The following SMAD1 variants were observed in gnomAD, a reference collection of about 807,000 sequenced individuals.
SMAD1 encodes MAD, mothers against decapentaplegic homolog 1.
A neutral mutation model predicts 41.6 loss-of-function variants in SMAD1; 6 were observed. The observed-to-expected ratio is 0.14, with a 90% CI of 0.08 to 0.28. SMAD1 has a LOEUF of 0.28. SMAD1 is among the 10% of genes least tolerant of loss of function. The probability of loss-of-function intolerance (pLI) is 1.00; values close to 1 mark genes in which losing one functional copy is unlikely to be tolerated. For missense variants in SMAD1, 379 were observed against 582.6 expected (o/e 0.65, Z 3.60); for synonymous variants, 206 against 203.2 (o/e 1.01, Z -0.12).
intron 2 of SMAD1, among the ~76,000 whole-genome samples, chr4:145,519,644 T>G (rs59193620): frequency 1.5e-5 from 2 of 130,678 alleles, no homozygotes; most frequent in African/African-American, 5.1e-5. Context: ...AGAGAGAGAC[T>G]CTGTATCAAA....
At chr4:145,496,383 T>G (rs1729075509) in intron 1 of SMAD1, among the ~76,000 whole-genome samples, 1 of 152,154 alleles carries the variant, frequency 6.6e-6, no homozygotes, top group Admixed American at 6.5e-5. Context: ...TCTATAGGAC[T>G]CGTGTAAGGA....
intron 4 of SMAD1, chr4:145,544,130 C>G (rs1347478117): frequency 2.0e-5 from 3 of 150,868 alleles, no homozygotes; most frequent in Non-Finnish European, 4.4e-5. Context: ...GGATGAATGT[C>G]GGTTCATCAG....
At chr4:145,517,614 CTG>C (rs1244262319) in intron 2 of SMAD1, among the ~76,000 whole-genome samples, 2 of 152,100 alleles carry the variant, frequency 1.3e-5, no homozygotes, top group Non-Finnish European at 2.9e-5. Flanking sequence ...TAAATTTTTG[CTG>C]TTAAATGGTG....
intron 1 of SMAD1, among the ~76,000 whole-genome samples, chr4:145,510,379 T>C (rs757895214): frequency 6.6e-6 from 1 of 152,138 alleles, no homozygotes; most frequent in Non-Finnish European, 1.5e-5. Flanking sequence ...CCTTTTCTAA[T>C]ATATGCATTT....
chr4:145,552,344 A>C (rs574460833), intron 5 of SMAD1, among the ~76,000 whole-genome samples: 1 of 152,374 alleles, frequency 6.6e-6, no homozygotes, highest in South Asian at 2.1e-4. Context: ...TGTGAGACAC[A>C]ATATAGCCTT....
intron 1 of SMAD1, among the ~76,000 whole-genome samples, chr4:145,488,797 A>G (rs573304338): frequency 3.3e-5 from 5 of 152,188 alleles, no homozygotes; most frequent in African/African-American, 4.8e-5. Flanking sequence ...CTGAATATTT[A>G]TTAGTTCTGA....
At chr4:145,509,197 C>A (rs548994347) in intron 1 of SMAD1, among the ~76,000 whole-genome samples, 1 of 152,234 alleles carries the variant, frequency 6.6e-6, no homozygotes, top group South Asian at 2.1e-4. Flanking sequence ...TCAGCAAAGT[C>A]CTTTAGAATT....
rs1329737252 is a variant in SMAD1, at chr4:145,518,570, G to A, written c.400+3557G>A. Among the ~76,000 whole-genome samples the A allele has an allele frequency of 1.2e-4, 15 of 125,562 alleles. 4 individuals carry two copies. The highest frequency in any genetic ancestry group is 2.5e-4 in the Non-Finnish European group (13 of 51,100). The allele number at this position is 125,562 out of a possible 152,430, so 82.4% of individuals were successfully genotyped here. On this transcript the variant is annotated intron_variant, in intron 2 of 6. Coordinates refer to ENST00000302085, the MANE Select transcript of SMAD1 (RefSeq NM_005900.3). Reference sequence around the variant, plus strand: ...GAAGCCCTCTATAAAGCCGTACAGAGTACACCTGGGTATTGTTTTTGTGAA... The same window carrying A: ...GAAGCCCTCTATAAAGCCGTACAGAATACACCTGGGTATTGTTTTTGTGAA...
rs1424468714 is a variant in SMAD1 at position 145,518,355 on chromosome 4, G to A, written c.400+3342G>A. ...AATACAAAAATAAGCCTGGCGAGGT[G>A]GGGGGCGCCTGTAATCCCAGCTACT... On this transcript the variant is annotated intron_variant, in intron 2 of 6. Transcript: ENST00000302085. Among the ~76,000 whole-genome samples, 4 of 125,060 alleles carry A rather than the reference G, an allele frequency of 3.2e-5. 2 individuals are homozygous for A. Among genetic ancestry groups the A allele is most frequent in the African/African-American group, 5.1e-5 (2 of 39,150 alleles). 82.0% of individuals were successfully genotyped at this position (125,060 alleles called of 152,430 possible).
chr4:145,529,042 C>A (rs554432898), intron 2 of SMAD1, among the ~76,000 whole-genome samples: 25 of 152,120 alleles, frequency 1.6e-4, no homozygotes, highest in Non-Finnish European at 2.6e-4. Flanking sequence ...TGTATAAGCA[C>A]CATATTAAAA....
intron 2 of SMAD1, among the ~76,000 whole-genome samples, chr4:145,534,509 C>T (rs1273200694): frequency 2.0e-5 from 3 of 152,240 alleles, no homozygotes; most frequent in Non-Finnish European, 4.4e-5. Context: ...TGGCCCCTAT[C>T]GGATATTAAA....
chr4:145,525,819 AG>A (rs979895894), intron 2 of SMAD1: 1 of 152,242 alleles, frequency 6.6e-6, no homozygotes, highest in African/African-American at 2.4e-5. Context: ...ACTAGAGGTA[AG>A]TGTAATTTCC....
intron 4 of SMAD1, 126 bp from the exon 5 acceptor site, chr4:145,546,577 A>C: frequency 1.4e-6 from 1 of 722,554 alleles, no homozygotes; most frequent in Non-Finnish European, 2.5e-6. Context: ...AACTGTATAC[A>C]TTATAATAGC....
At chr4:145,492,540 A>ATG (rs1182773038) in intron 1 of SMAD1, among the ~76,000 whole-genome samples, 2 of 152,222 alleles carry the variant, frequency 1.3e-5, no homozygotes, top group African/African-American at 4.8e-5. Context: ...GAACCTCTGC[A>ATG]TGTTCAGCTG....
At chr4:145,532,107 A>G (rs1047808401) in intron 2 of SMAD1, among the ~76,000 whole-genome samples, 8 of 152,188 alleles carry the variant, frequency 5.3e-5, no homozygotes, top group African/African-American at 1.4e-4. Context: ...GTTCTTTTTC[A>G]TGCTTTTCCG....
At chr4:145,548,705 A>G (rs115512640) in intron 5 of SMAD1, among the ~76,000 whole-genome samples, 4,649 of 152,350 alleles carry the variant, frequency 0.031, 107 homozygotes, top group Middle Eastern at 0.088. Context: ...AGAATCATCA[A>G]TGGATGCTAA....
At chr4:145,540,455 G>A (rs780224036) in intron 3 of SMAD1, among the ~76,000 whole-genome samples, 47 of 152,154 alleles carry the variant, frequency 3.1e-4, no homozygotes, top group Non-Finnish European at 5.6e-4. Flanking sequence ...AAAAACTCCT[G>A]TTGCAAGTGC....
At chr4:145,524,727 C>G (rs1730935478) in intron 2 of SMAD1, among the ~76,000 whole-genome samples, 1 of 151,900 alleles carries the variant, frequency 6.6e-6, no homozygotes, top group African/African-American at 2.4e-5. Context: ...GTCTTCCACC[C>G]TCCATTGCTG....
At chr4:145,493,277 C>A (rs2126943657) in intron 1 of SMAD1, among the ~76,000 whole-genome samples, 1 of 152,254 alleles carries the variant, frequency 6.6e-6, no homozygotes, top group East Asian at 1.9e-4. Flanking sequence ...AGTAGTTTTT[C>A]ATGAAAGAGA....
Sources: allele counts gnomAD v4.1 joint callset (sites outside exome capture counted in the v4.1 genomes callset), GRCh38; gene constraint gnomAD v4.1.1; transcripts MANE v1.5; gene names NCBI Gene and HGNC (gene_info 2026-07-23, HGNC 2026-07-21).